RALGAPB: variants seen among roughly 807,000 people sequenced by gnomAD.
RALGAPB encodes the protein Ral GTPase activating protein non-catalytic subunit beta, also known as ral GTPase-activating protein subunit beta.
In RALGAPB, 25 loss-of-function variants were observed where a neutral mutation model predicts 161.1. The ratio of observed to expected loss-of-function variants is 0.16; its 90% CI spans 0.11 to 0.22. RALGAPB has a LOEUF of 0.22. Ranked by LOEUF, RALGAPB falls within the 10% of genes least tolerant of loss-of-function variation. The probability of loss-of-function intolerance (pLI) is 1.00; values close to 1 mark genes in which losing one functional copy is unlikely to be tolerated. For synonymous variants in RALGAPB, 629 were observed against 626.1 expected, an observed-to-expected ratio of 1.00 and a Z score of -0.07; for missense variants, 1,391 against 1,815.2, an observed-to-expected ratio of 0.77 and a Z score of 4.25.
chr20:38,486,291 A>G (rs2085113133), intron 1 of RALGAPB, among the ~76,000 whole-genome samples: 3 of 152,228 alleles, frequency 2.0e-5, no homozygotes, highest in Admixed American at 6.5e-5. Flanking sequence ...TCTATTTTAC[A>G]TGTTTCTTGA....
At chr20:38,545,826 C>G (rs2087143943) in intron 18 of RALGAPB, among the ~76,000 whole-genome samples, 1 of 152,072 alleles carries the variant, frequency 6.6e-6, no homozygotes, top group Non-Finnish European at 1.5e-5. Context: ...CTTTGGTTTT[C>G]TAAAATGGGA....
chr20:38,506,059 GCCT>G (rs2085753636), intron 5 of RALGAPB, among the ~76,000 whole-genome samples: 1 of 3,426 alleles, frequency 2.9e-4, no homozygotes, highest in South Asian at 5.4e-3. Flanking sequence ...GCCTTCTACT[GCCT>G]GAGTACTGCA....
chr20:38,521,840 TC>T, intron 10 of RALGAPB, 142 bp downstream of exon 10: 1 of 886,012 alleles, frequency 1.1e-6, no homozygotes, highest in African/African-American at 1.7e-5. Context: ...CTGAAATCTT[TC>T]ATTTTACCTG....
intron 1 of RALGAPB, among the ~76,000 whole-genome samples, chr20:38,483,794 A>G (rs2085041455): frequency 1.3e-5 from 2 of 152,166 alleles, no homozygotes; most frequent in Non-Finnish European, 2.9e-5. Flanking sequence ...TAGGTGGTGC[A>G]GCAGTACTGG....
At position 38,565,407 on chromosome 20, in the gene RALGAPB, A is replaced by G; in HGVS notation, c.3746A>G (p.Lys1249Arg). The change falls in exon 25 of 30, where the codon AAG (lysine) becomes AGG (arginine). Residue 1249 changes from lysine to arginine, a missense_variant. Lys to Arg is a conservative substitution (Grantham distance 26, BLOSUM62 2). This residue lies in a region of RALGAPB where 436 missense variants were observed against 527.0 expected (regional missense o/e 0.83). Transcript: ENST00000262879. ...GGAGCTAGCATTTTCAATGGACAGA[A>G]GAAGGTGCTGTATTATGCTGATGCC... ...DIGASIFNGQ[K>R]KVLYYADALT... 1.9e-6 allele frequency: 3 copies of G among 1,613,512 alleles called. No individual in the cohort carries two copies. Among genetic ancestry groups the G allele is most frequent in the Non-Finnish European group, 2.5e-6 (3 of 1,179,574 alleles).
chr20:38,519,104 A>G (rs866549594), intron 9 of RALGAPB, among the ~76,000 whole-genome samples: 5 of 152,216 alleles, frequency 3.3e-5, no homozygotes, highest in Admixed American at 6.5e-5. Flanking sequence ...TTTTGGGAAT[A>G]TAATTTGAGA....
At chr20:38,555,775 G>T (rs1324749591) in intron 22 of RALGAPB, among the ~76,000 whole-genome samples, 1 of 152,060 alleles carries the variant, frequency 6.6e-6, no homozygotes, top group Non-Finnish European at 1.5e-5. Context: ...AAAGTTACCT[G>T]GTTTATGAAC....
chr20:38,542,960 T>C (rs561724866), intron 18 of RALGAPB, among the ~76,000 whole-genome samples: 1 of 152,170 alleles, frequency 6.6e-6, no homozygotes, highest in Non-Finnish European at 1.5e-5. Flanking sequence ...CACTAGAAAC[T>C]CTTCATTATA....
At chr20:38,522,327 C>T (rs770750901) in intron 10 of RALGAPB, among the ~76,000 whole-genome samples, 8 of 152,230 alleles carry the variant, frequency 5.3e-5, no homozygotes, top group Non-Finnish European at 7.3e-5. Context: ...AATGCCTCTG[C>T]CATCCATTCA....
At chr20:38,564,780 T>C (rs2087923638) in intron 24 of RALGAPB, among the ~76,000 whole-genome samples, 3 of 152,296 alleles carry the variant, frequency 2.0e-5, no homozygotes, top group South Asian at 2.1e-4. Context: ...AGACCAGGGA[T>C]AGAAATGCCT....
chr20:38,523,147 C>T (rs908618727), intron 10 of RALGAPB, among the ~76,000 whole-genome samples: 1 of 151,618 alleles, frequency 6.6e-6, no homozygotes. Context: ...GAGTGAGACT[C>T]CGTCTCAAAA....
chr20:38,525,606 G>C, intron 12 of RALGAPB, 88 bp downstream of exon 12: 1 of 1,033,516 alleles, frequency 9.7e-7, no homozygotes, highest in South Asian at 1.4e-5. Context: ...TGAAACAGGA[G>C]CTTTTTTTAT....
At chr20:38,515,828 C>T (rs1012240874) in intron 6 of RALGAPB, among the ~76,000 whole-genome samples, 3 of 152,116 alleles carry the variant, frequency 2.0e-5, no homozygotes, top group African/African-American at 7.2e-5. Flanking sequence ...GCCTTGAACT[C>T]CTTGGCTCAA....
intron 21 of RALGAPB, among the ~76,000 whole-genome samples, chr20:38,553,403 G>A (rs1358035745): frequency 6.6e-6 from 1 of 152,148 alleles, no homozygotes; most frequent in Non-Finnish European, 1.5e-5. Context: ...GCAAGCGAGG[G>A]GTGAGAGTGA....
At chr20:38,563,235 A>G (rs1337585162) in intron 24 of RALGAPB, among the ~76,000 whole-genome samples, 2 of 152,260 alleles carry the variant, frequency 1.3e-5, no homozygotes, top group Admixed American at 6.5e-5. Context: ...TACAATGCTG[A>G]TAAGTTCCTT....
chr20:38,521,639 G>T lies in RALGAPB; in HGVS notation c.1560G>T (p.Leu520=). ...GAAGAGCTGAGGCTTGTGGGACACT[G>T]TGTAGGATTTTTTGTAGCAAGAAGA... ...EAGRAEACGT[L]CRIFCSKKTG... The change falls in exon 10 of 30, where the codon CTG becomes CTT. Residue 520 remains leucine (L), a synonymous_variant. Transcript: ENST00000262879. 1.2e-6 allele frequency: 2 copies of T among 1,614,206 alleles called. No homozygotes were observed. Among genetic ancestry groups the T allele is most frequent in the African/African-American group, 2.7e-5 (2 of 75,050 alleles).
intron 1 of RALGAPB, among the ~76,000 whole-genome samples, chr20:38,481,361 AAG>A (rs1568895397): frequency 2.0e-5 from 3 of 152,236 alleles, no homozygotes; most frequent in African/African-American, 7.2e-5. Flanking sequence ...TTACAAAAGA[AAG>A]AGGTTTAATG....
intron 28 of RALGAPB, among the ~76,000 whole-genome samples, chr20:38,573,386 A>G (rs1251382084): frequency 5.9e-5 from 9 of 152,068 alleles, no homozygotes; most frequent in Admixed American, 2.6e-4. Context: ...CTATATAGAA[A>G]GAAAATTCAT....
At chr20:38,565,534 G>A in intron 25 of RALGAPB, 56 bp downstream of exon 25, 1 of 1,574,768 alleles carries the variant, frequency 6.4e-7, no homozygotes, top group Non-Finnish European at 8.7e-7. Flanking sequence ...TTCCTGGGTT[G>A]TGTGATATTA....
Sources: gnomAD v4.1 joint callset for allele counts (sites outside exome capture counted in the v4.1 genomes callset) on GRCh38, gnomAD v4.1.1 for gene constraint, gnomAD v4.1.1 regional missense constraint, MANE v1.5 for transcripts, NCBI Gene and HGNC (gene_info 2026-07-23, HGNC 2026-07-21) for gene names.